CNTNAP3B: variants seen among roughly 807,000 people sequenced by gnomAD.
CNTNAP3B encodes the protein contactin-associated protein-like 3B.
In CNTNAP3B, 25 loss-of-function variants were observed where a neutral mutation model predicts 108.9. That is an observed-to-expected ratio of 0.23 (90% CI 0.17 to 0.32). The LOEUF (loss-of-function observed/expected upper bound fraction) is 0.32. CNTNAP3B is among the 10% of genes least tolerant of loss of function. The pLI, the probability that CNTNAP3B is intolerant of heterozygous loss-of-function variation, is 1.00. For missense variants in CNTNAP3B, 252 were observed against 1,210.4 expected (o/e 0.21, Z 11.75); for synonymous variants, 103 against 473.4 (o/e 0.22, Z 10.16).
chr9:42,111,631 C>T (rs1245991599), intron 1 of CNTNAP3B, among the ~76,000 whole-genome samples: 2 of 138,618 alleles, frequency 1.4e-5, no homozygotes, highest in Non-Finnish European at 3.1e-5. Context: ...ACTTTGGTTC[C>T]CTTTATTGTT....
intron 13 of CNTNAP3B, among the ~76,000 whole-genome samples, chr9:41,942,780 A>G (rs1388232232): frequency 6.6e-6 from 1 of 152,208 alleles, no homozygotes; most frequent in Non-Finnish European, 1.5e-5. Flanking sequence ...CTCTGGGAAA[A>G]CTCAAAACGG....
At chr9:42,044,275 T>C (rs1826822588) in intron 3 of CNTNAP3B, among the ~76,000 whole-genome samples, 1 of 151,436 alleles carries the variant, frequency 6.6e-6, no homozygotes, top group Non-Finnish European at 1.5e-5. Context: ...CAGGTGTGTA[T>C]GTATAAGAAA....
At chr9:42,127,457 G>C (rs1484315845) in intron 1 of CNTNAP3B, among the ~76,000 whole-genome samples, 2 of 139,550 alleles carry the variant, frequency 1.4e-5, no homozygotes, top group African/African-American at 2.8e-5. Context: ...TCTCCAGGAA[G>C]GTCTTTTTGA....
At chr9:42,118,074 C>T (rs1254783870) in intron 1 of CNTNAP3B, among the ~76,000 whole-genome samples, 2 of 135,336 alleles carry the variant, frequency 1.5e-5, no homozygotes, top group Non-Finnish European at 3.1e-5. Context: ...CAGATGGATT[C>T]ACAGCCCAAT....
In CNTNAP3B at chr9:41,995,562, C is replaced by T. The variant is rs1461455761; in HGVS notation, c.1071+643G>A. On this transcript the variant is annotated intron_variant, in intron 7 of 23. Transcript: ENST00000377561. ...CATCCTGGCTAACATGGTGAAACCC[C>T]GTCTCTACTAAAAATACAAAAAGCC... 6.0e-5 allele frequency among the ~76,000 whole-genome samples: 8 copies of T among 133,908 alleles called. 2 individuals carry two copies. The highest frequency in any genetic ancestry group is 3.3e-3 in the Middle Eastern group (1 of 300). 87.8% of individuals were successfully genotyped at this position (133,908 alleles called of 152,430 possible). A position where few individuals can be genotyped will look rare whatever the true frequency, so the allele number is the denominator to read the frequency against.
intron 3 of CNTNAP3B, among the ~76,000 whole-genome samples, chr9:42,046,133 A>T (rs1161947451): frequency 1.6e-5 from 2 of 123,492 alleles, no homozygotes; most frequent in Non-Finnish European, 3.4e-5. Flanking sequence ...GCCTGTGAGA[A>T]ACTTCCAGTA....
chr9:41,906,487 TA>T (rs1823399901), intron 20 of CNTNAP3B: 1 of 149,432 alleles, frequency 6.7e-6, no homozygotes, highest in African/African-American at 2.5e-5. Context: ...ATAATCGGAA[TA>T]AGACAAGTTC....
chr9:41,925,239 A>T (rs1325611319), intron 15 of CNTNAP3B, among the ~76,000 whole-genome samples: 1 of 136,226 alleles, frequency 7.3e-6, no homozygotes, highest in Non-Finnish European at 1.6e-5. Flanking sequence ...GGCTGCCAAT[A>T]GTGATTTTCT....
intron 8 of CNTNAP3B, among the ~76,000 whole-genome samples, chr9:41,986,739 G>A (rs527860404): frequency 2.8e-4 from 42 of 147,970 alleles, no homozygotes; most frequent in African/African-American, 7.8e-4. Context: ...ATTGTGAAAA[G>A]GTTTTTTTAG....
chr9:41,945,035 T>C (rs1358903171), intron 13 of CNTNAP3B, among the ~76,000 whole-genome samples: 2 of 152,338 alleles, frequency 1.3e-5, no homozygotes, highest in East Asian at 3.9e-4. Context: ...TCACTGGCCA[T>C]CAGAGAAATG....
At chr9:42,110,742 T>C (rs1435691394) in intron 1 of CNTNAP3B, among the ~76,000 whole-genome samples, 4 of 136,846 alleles carry the variant, frequency 2.9e-5, no homozygotes, top group Non-Finnish European at 6.2e-5. Context: ...ACGGCGCTAT[T>C]CCATTCTTCC....
intron 15 of CNTNAP3B, among the ~76,000 whole-genome samples, chr9:41,926,219 A>G (rs1440802928): frequency 6.6e-6 from 1 of 152,250 alleles, no homozygotes; most frequent in African/African-American, 2.4e-5. Context: ...TATGCTCCTC[A>G]CTTTTTTTAC....
chr9:42,119,199 A>C (rs28420318), intron 1 of CNTNAP3B, among the ~76,000 whole-genome samples: 80,249 of 102,002 alleles, frequency 0.79, 34,190 homozygotes, highest in East Asian at 0.87. Flanking sequence ...ACAAACAGAG[A>C]GCCAAATCAT....
chr9:41,966,455 A>C (rs1289569927), intron 10 of CNTNAP3B, among the ~76,000 whole-genome samples: 2 of 152,282 alleles, frequency 1.3e-5, no homozygotes, highest in African/African-American at 4.8e-5. Flanking sequence ...AGTAGCTAGC[A>C]TGCAGAAGAC....
intron 9 of CNTNAP3B, among the ~76,000 whole-genome samples, chr9:41,970,995 A>C (rs1387209476): frequency 3.3e-5 from 5 of 151,354 alleles, no homozygotes; most frequent in Non-Finnish European, 2.9e-5. Flanking sequence ...GATAAAATAG[A>C]CATTTGATTA....
chr9:42,123,943 C>G lies in CNTNAP3B; in HGVS notation c.85+5067G>C, dbSNP rs540535132. 5.9e-3 allele frequency among the ~76,000 whole-genome samples: 729 copies of G among 123,930 alleles called. 118 individuals are homozygous for G. Among genetic ancestry groups the G allele is most frequent in the African/African-American group, 0.023 (690 of 29,824 alleles). The allele number at this position is 123,930 out of a possible 152,430, so 81.3% of individuals were successfully genotyped here. On this transcript the variant is annotated intron_variant, in intron 1 of 23. Coordinates refer to ENST00000377561, the MANE Select transcript of CNTNAP3B (RefSeq NM_001201380.3). ...AATTGCCAATGGTTCATAAACACAT[C>G]TGTGAATTAGAAGCAAGTAATATCC...
intron 3 of CNTNAP3B, among the ~76,000 whole-genome samples, chr9:42,042,952 G>A (rs1826793429): frequency 6.7e-6 from 1 of 148,524 alleles, no homozygotes; most frequent in Non-Finnish European, 1.5e-5. Context: ...TTTTTGAATA[G>A]CCCAAAGAAA....
intron 18 of CNTNAP3B, among the ~76,000 whole-genome samples, chr9:41,915,751 T>C (rs1823500452): frequency 2.7e-5 from 4 of 148,270 alleles, no homozygotes; most frequent in Admixed American, 2.7e-4. Flanking sequence ...CATGTTTTTT[T>C]TTCCCCTCTC....
At chr9:41,995,701 A>T (rs1265537438) in intron 7 of CNTNAP3B, among the ~76,000 whole-genome samples, 1 of 122,042 alleles carries the variant, frequency 8.2e-6, no homozygotes, top group Non-Finnish European at 1.7e-5. Context: ...ACTGCACTCC[A>T]GTCTGGGTGA....
Sources: gnomAD v4.1 joint callset for allele counts (sites outside exome capture counted in the v4.1 genomes callset) on GRCh38, gnomAD v4.1.1 for gene constraint, MANE v1.5 for transcripts, NCBI Gene and HGNC (gene_info 2026-07-23, HGNC 2026-07-21) for gene names.